The following HES1 variants were observed in gnomAD, a reference collection of about 807,000 sequenced individuals.
HES1 encodes hes family bHLH transcription factor 1, also known as transcription factor HES-1.
Under a neutral mutation model 21.0 loss-of-function variants are expected in HES1, and 7 were observed. That is an observed-to-expected ratio of 0.33 (90% confidence interval 0.19 to 0.63). The LOEUF is 0.63. Ranked by LOEUF, HES1 falls within the 20% of genes least tolerant of loss-of-function variation. The pLI is 0.78. For missense variants in HES1, 338 were observed against 389.8 expected, an observed-to-expected ratio of 0.87 and a Z score of 1.12; for synonymous variants, 169 against 171.2, an observed-to-expected ratio of 0.99 and a Z score of 0.10.
Position 194,138,129 on chromosome 3 carries a change from G to C in HES1, c.739G>C (p.Val247Leu), listed in dbSNP as rs1323034550. Residue 247 changes from valine (V) to leucine (L), a missense_variant, in exon 4 of 4, where the codon GTC becomes CTC. Coordinates refer to ENST00000232424, the MANE Select transcript of HES1 (RefSeq NM_005524.4). ...CGCGCACAGCGGCCCTGTCATCCCC[G>C]TCTACACCAGCAACAGCGGCACCTC... is the stretch of plus-strand genomic sequence containing the variant. ...AFAHSGPVIPVYTSNSGTSVG... is the reference protein window; with the variant it reads ...AFAHSGPVIPLYTSNSGTSVG... 2 of 1,612,480 alleles carry C rather than the reference G, an allele frequency of 1.2e-6. No homozygotes were observed. Among genetic ancestry groups the C allele is most frequent in the Non-Finnish European group, 1.7e-6 (2 of 1,179,570 alleles).
In HES1 at chr3:194,137,549, C is replaced by A; in HGVS notation, c.293-134C>A. The A allele has an allele frequency of 1.1e-6, 1 of 935,932 alleles. No individual in the cohort carries two copies. Among genetic ancestry groups the A allele is most frequent in the Non-Finnish European group, 1.5e-6 (1 of 653,414 alleles). 58.0% of individuals were successfully genotyped at this position (935,932 alleles called of 1,614,324 possible). A position where few individuals can be genotyped will look rare whatever the true frequency, so the allele number is the denominator to read the frequency against. On this transcript the variant is annotated intron_variant, in intron 3 of 3. Transcript: ENST00000232424. The surrounding 1 kb of genome is among the most constrained non-coding windows in gnomAD (Gnocchi z 5.4). The stretch of plus-strand genomic sequence containing the variant: ...GGTGGCTGGTTTTTTCTAAACCCAT[C>A]TCACCCTCCCTGCCGGAGGCAGTTT...
rs1715381417 is a variant in HES1 at position 194,137,736 on chromosome 3, G to C, written c.346G>C (p.Glu116Gln). Reference sequence around the variant, plus strand: ...GGGGAAGTACCGAGCCGGCTTCAGCGAGTGCATGAACGAGGTGACCCGCTT... The same window carrying C: ...GGGGAAGTACCGAGCCGGCTTCAGCCAGTGCATGAACGAGGTGACCCGCTT... ...VLGKYRAGFS[E>Q]CMNEVTRFLS... The change falls in exon 4 of 4, where the codon GAG becomes CAG. Residue 116 changes from glutamate (E) to glutamine (Q), a missense_variant. Coordinates refer to ENST00000232424, the MANE Select transcript of HES1 (RefSeq NM_005524.4). This position sits in a 1 kb window ranked among gnomAD's most constrained non-coding sequence, Gnocchi z 5.4. 1 of 1,613,768 alleles carries C rather than the reference G, an allele frequency of 6.2e-7. No homozygotes were observed. The highest frequency in any genetic ancestry group is 2.2e-5 in the East Asian group (1 of 44,866).
At chr3:194,136,532 G>A (rs774940691) in intron 1 of HES1, 44 bp downstream of exon 1, 2 of 1,557,288 alleles carry the variant, frequency 1.3e-6, no homozygotes, top group Non-Finnish European at 1.8e-6. Flanking sequence ...TCAAAATTAA[G>A]TAGGGGTTGG....
chr3:194,137,119 C>A lies in HES1; in HGVS notation c.292+71C>A. ...CTCGCGGTGATTTCTTCCAGACTTCCGCCCGTGGTTGTGAGAGGCATTCAG... is the reference window on the plus strand; with the variant it reads ...CTCGCGGTGATTTCTTCCAGACTTCAGCCCGTGGTTGTGAGAGGCATTCAG... On this transcript the variant is annotated intron_variant, in intron 3 of 3. Transcript: ENST00000232424. The surrounding 1 kb of genome is among the most constrained non-coding windows in gnomAD (Gnocchi z 5.4). 2 of 1,345,326 alleles carry A rather than the reference C, an allele frequency of 1.5e-6. No individual in the cohort carries two copies. The highest frequency in any genetic ancestry group is 1.2e-5 in the South Asian group (1 of 85,496). The allele number at this position is 1,345,326 out of a possible 1,614,324, so 83.3% of individuals were successfully genotyped here.
Position 194,136,602 on chromosome 3 carries a change from T to A in HES1, c.109-15T>A. 2 of 1,599,278 alleles carry A rather than the reference T, an allele frequency of 1.3e-6. No individual in the cohort carries two copies. Among genetic ancestry groups the A allele is most frequent in the Non-Finnish European group, 1.7e-6 (2 of 1,172,636 alleles). ...AGATTCCATGGGAACACAGAACTCT[T>A]TTTTTTATTTGCAGTCATCAAAGCC... is the stretch of plus-strand genomic sequence containing the variant. On this transcript the variant is annotated splice_polypyrimidine_tract_variant and intron_variant, in intron 1 of 3. Coordinates refer to ENST00000232424, the MANE Select transcript of HES1 (RefSeq NM_005524.4).
In HES1 at chr3:194,138,318, G is replaced by A; in HGVS notation, c.*85G>A. On this transcript the variant is annotated 3_prime_UTR_variant, in exon 4 of 4. Transcript: ENST00000232424. The stretch of plus-strand genomic sequence containing the variant: ...CTAAACAGGAACTTGAATACTGGGA[G>A]AGAAGAGGACTTTTTTGATTAAGTG... 2 of 1,327,044 alleles carry A rather than the reference G, an allele frequency of 1.5e-6. No homozygotes were observed. The highest frequency in any genetic ancestry group is 2.0e-6 in the Non-Finnish European group (2 of 1,016,620). The allele number at this position is 1,327,044 out of a possible 1,614,324, so 82.2% of individuals were successfully genotyped here.
intron 2 of HES1, 110 bp from the exon 3 acceptor site, chr3:194,136,851 C>CTAATA (rs1560223125): frequency 7.2e-7 from 1 of 1,385,072 alleles, no homozygotes; most frequent in Non-Finnish European, 1.0e-6. Context: ...CGGCCTTATT[C>CTAATA]GCTGGGGTCC....
rs774041130 is a variant in HES1 at position 194,137,761 on chromosome 3, T to G, written c.371T>G (p.Phe124Cys). Reference sequence around the variant, plus strand: ...GAGTGCATGAACGAGGTGACCCGCTTCCTGTCCACGTGCGAGGGCGTTAAT... The same window carrying G: ...GAGTGCATGAACGAGGTGACCCGCTGCCTGTCCACGTGCGAGGGCGTTAAT... ...FSECMNEVTR[F>C]LSTCEGVNTE... Residue 124 changes from phenylalanine to cysteine, a missense_variant, in exon 4 of 4, where the codon TTC (phenylalanine) becomes TGC (cysteine). By Grantham distance (205) the Phe-to-Cys change is radical. Coordinates refer to ENST00000232424, the MANE Select transcript of HES1 (RefSeq NM_005524.4). The surrounding 1 kb of genome is among the most constrained non-coding windows in gnomAD (Gnocchi z 5.4). 8.1e-6 allele frequency: 13 copies of G among 1,613,570 alleles called. No homozygotes were observed. Among genetic ancestry groups the G allele is most frequent in the Non-Finnish European group, 1.7e-6 (2 of 1,179,902 alleles).
Position 194,137,200 on chromosome 3 carries a change from T to G in HES1, c.292+152T>G. ...GTTCCCACGGTCTGGGGCTTATTTA[T>G]AGCCACAACTCCAAGTTGTTACTGT... On this transcript the variant is annotated intron_variant, in intron 3 of 3. Coordinates refer to ENST00000232424, the MANE Select transcript of HES1 (RefSeq NM_005524.4). The surrounding 1 kb of genome is among the most constrained non-coding windows in gnomAD (Gnocchi z 5.4). 1 of 672,206 alleles carries G rather than the reference T, an allele frequency of 1.5e-6. No individual in the cohort carries two copies. The highest frequency in any genetic ancestry group is 2.6e-6 in the Non-Finnish European group (1 of 378,896). The allele number at this position is 672,206 out of a possible 1,614,324, so 41.6% of individuals were successfully genotyped here.
In HES1 at chr3:194,136,362, A is replaced by AT; in HGVS notation, c.-19_-18insT. 2 of 1,175,084 alleles carry AT rather than the reference A, an allele frequency of 1.7e-6. No individual in the cohort carries two copies. The highest frequency in any genetic ancestry group is 1.6e-5 in the African/African-American group (1 of 64,472). The allele number at this position is 1,175,084 out of a possible 1,614,324, so 72.8% of individuals were successfully genotyped here. ...CAAAAATAAAATTCTCTAGAGATAA[A>AT]AAAAAAAAAAAAAGGAAAATGCCAG... On this transcript the variant is annotated 5_prime_UTR_variant, in exon 1 of 4. Transcript: ENST00000232424.
intron 2 of HES1, 80 bp from the exon 3 acceptor site, chr3:194,136,881 C>A: frequency 6.9e-7 from 1 of 1,455,210 alleles, no homozygotes. Context: ...GCTTGCGCTC[C>A]GTGGCCGGGA....
Position 194,137,998 on chromosome 3 carries a change from G to A in HES1, c.608G>A (p.Cys203Tyr). The A allele has an allele frequency of 2.7e-6, 4 of 1,476,700 alleles. No homozygotes were observed. Among genetic ancestry groups the A allele is most frequent in the East Asian group, 2.7e-5 (1 of 36,552 alleles). The allele number at this position is 1,476,700 out of a possible 1,614,324, so 91.5% of individuals were successfully genotyped here. Residue 203 changes from cysteine (C) to tyrosine (Y), a missense_variant, in exon 4 of 4, where the codon TGC becomes TAC. Coordinates refer to ENST00000232424, the MANE Select transcript of HES1 (RefSeq NM_005524.4). This position sits in a 1 kb window ranked among gnomAD's most constrained non-coding sequence, Gnocchi z 5.4. ...GCGCCCCCTCCCGGCGGCGCCCCCT[G>A]CAAGCTGGGCAGCCAGGCTGGAGAG... ...GAAPPPGGAP[C>Y]KLGSQAGEAA...
chr3:194,136,781 A>G, intron 2 of HES1, 69 bp downstream of exon 2: 1 of 1,485,588 alleles, frequency 6.7e-7, no homozygotes. Flanking sequence ...TAAGAGTGAA[A>G]CCCCCCGCCC....
At position 194,138,097 on chromosome 3, in the gene HES1, G is replaced by A; in HGVS notation, c.707G>A (p.Gly236Glu). 6.2e-7 allele frequency: 1 copy of A among 1,612,290 alleles called. No homozygotes were observed. Among genetic ancestry groups the A allele is most frequent in the African/African-American group, 1.3e-5 (1 of 75,002 alleles). Reference protein sequence around the residue: ...DGQFAFLIPNGAFAHSGPVIP... With the variant: ...DGQFAFLIPNEAFAHSGPVIP... Reference sequence around the variant, plus strand: ...CAGTTTGCTTTCCTCATTCCCAACGGGGCCTTCGCGCACAGCGGCCCTGTC... The same window carrying A: ...CAGTTTGCTTTCCTCATTCCCAACGAGGCCTTCGCGCACAGCGGCCCTGTC... Residue 236 changes from glycine to glutamate, a missense_variant, in exon 4 of 4, where the codon GGG becomes GAG. By Grantham distance (98) the Gly-to-Glu change is moderately conservative. Transcript: ENST00000232424.
rs1201481329 is a variant in HES1 at position 194,136,495 on chromosome 3, G to A, written c.108+7G>A. Reference sequence around the variant, plus strand: ...AGCATCTGAGCACAGAAAGGTAAGGGCGGTACCTGTATCTCTTTGCAGCCC... The same window carrying A: ...AGCATCTGAGCACAGAAAGGTAAGGACGGTACCTGTATCTCTTTGCAGCCC... On this transcript the variant is annotated splice_region_variant and intron_variant, in intron 1 of 3. Coordinates refer to ENST00000232424, the MANE Select transcript of HES1 (RefSeq NM_005524.4). The A allele has an allele frequency of 1.3e-6, 2 of 1,596,152 alleles. No homozygotes were observed. Among genetic ancestry groups the A allele is most frequent in the Non-Finnish European group, 1.7e-6 (2 of 1,169,990 alleles).
rs1214997245 is a variant in HES1 at position 194,138,025 on chromosome 3, C to G, written c.635C>G (p.Ala212Gly). The G allele has an allele frequency of 6.4e-7, 1 of 1,574,302 alleles. No homozygotes were observed. Among genetic ancestry groups the G allele is most frequent in the African/African-American group, 1.4e-5 (1 of 72,288 alleles). The stretch of plus-strand genomic sequence containing the variant: ...AAGCTGGGCAGCCAGGCTGGAGAGG[C>G]GGCTAAGGTGTTTGGAGGCTTCCAG... Reference protein sequence around the residue: ...PCKLGSQAGEAAKVFGGFQVV... With the variant: ...PCKLGSQAGEGAKVFGGFQVV... The change falls in exon 4 of 4, where the codon GCG (alanine) becomes GGG (glycine). Residue 212 changes from alanine to glycine, a missense_variant. Coordinates refer to ENST00000232424, the MANE Select transcript of HES1 (RefSeq NM_005524.4).
At position 194,137,281 on chromosome 3, in the gene HES1, G is replaced by A; in HGVS notation, c.292+233G>A. The A allele has an allele frequency of 9.9e-6, 6 of 605,632 alleles. No homozygotes were observed. Among genetic ancestry groups the A allele is most frequent in the Admixed American group, 2.9e-5 (1 of 35,006 alleles). The allele number at this position is 605,632 out of a possible 1,614,324, so 37.5% of individuals were successfully genotyped here. On this transcript the variant is annotated intron_variant, in intron 3 of 3. Transcript: ENST00000232424. The surrounding 1 kb of genome is among the most constrained non-coding windows in gnomAD (Gnocchi z 5.4). Reference sequence around the variant, plus strand: ...GCGAGGGTGGCGGGCGCCGGGTAGGGGCGAAAGGACTTAGGACTGTGGCGG... The same window carrying A: ...GCGAGGGTGGCGGGCGCCGGGTAGGAGCGAAAGGACTTAGGACTGTGGCGG...
chr3:194,137,708 G>T lies in HES1; in HGVS notation c.318G>T (p.Val106=), dbSNP rs1188298830. Reference sequence around the variant, plus strand: ...CTGCGCTGAGCACAGACCCAAGTGTGCTGGGGAAGTACCGAGCCGGCTTCA... The same window carrying T: ...CTGCGCTGAGCACAGACCCAAGTGTTCTGGGGAAGTACCGAGCCGGCTTCA... ...MTAALSTDPS[V]LGKYRAGFSE... Residue 106 remains valine (V), a synonymous_variant, in exon 4 of 4, where the codon GTG becomes GTT. Transcript: ENST00000232424. The surrounding 1 kb of genome is among the most constrained non-coding windows in gnomAD (Gnocchi z 5.4). 3 of 1,613,170 alleles carry T rather than the reference G, an allele frequency of 1.9e-6. No individual in the cohort carries two copies. Among genetic ancestry groups the T allele is most frequent in the South Asian group, 1.1e-5 (1 of 90,936 alleles).
chr3:194,137,842 A>G lies in HES1; in HGVS notation c.452A>G (p.Asn151Ser), dbSNP rs1405962578. ...GHLANCMTQINAMTYPGQPHP... is the reference protein window; with the variant it reads ...GHLANCMTQISAMTYPGQPHP... The stretch of plus-strand genomic sequence containing the variant: ...CTGGCCAACTGCATGACCCAGATCA[A>G]TGCCATGACCTACCCCGGGCAGCCG... Residue 151 changes from asparagine (N) to serine (S), a missense_variant, in exon 4 of 4, where the codon AAT (asparagine) becomes AGT (serine). Physicochemically the swap from Asn to Ser is conservative, Grantham distance 46. Coordinates refer to ENST00000232424, the MANE Select transcript of HES1 (RefSeq NM_005524.4). This position sits in a 1 kb window ranked among gnomAD's most constrained non-coding sequence, Gnocchi z 5.4. 6.3e-7 allele frequency: 1 copy of G among 1,599,912 alleles called. No individual in the cohort carries two copies. The highest frequency in any genetic ancestry group is 1.7e-5 in the Admixed American group (1 of 58,598).
Sources: allele counts gnomAD v4.1 joint callset, GRCh38; gene constraint gnomAD v4.1.1; non-coding constraint Gnocchi (gnomAD v3.1); transcripts MANE v1.5; gene names NCBI Gene and HGNC (gene_info 2026-07-23, HGNC 2026-07-21).